Variants in PDE4D observed in about 807,000 individuals in gnomAD.
The protein encoded by PDE4D is 3',5'-cyclic-AMP phosphodiesterase 4D.
Under a neutral mutation model 87.4 loss-of-function variants are expected in PDE4D, and 24 were observed. The observed-to-expected ratio is 0.27, with a 90% CI of 0.20 to 0.39. PDE4D has a LOEUF of 0.39. Among genes scored for constraint, PDE4D ranks in the 10% least tolerant of loss-of-function variants. The probability of loss-of-function intolerance (pLI) is 1.00; values close to 1 mark genes in which losing one functional copy is unlikely to be tolerated. For missense variants in PDE4D, 714 were observed against 1,041.0 expected, an observed-to-expected ratio of 0.69 and a Z score of 4.32; for synonymous variants, 384 against 383.2, an observed-to-expected ratio of 1.00 and a Z score of -0.02.
rs1209334437 is a variant in PDE4D at position 59,093,938 on chromosome 5, G to A, written c.809-54967C>T. ...TATACCATTAAAAAGGAGAGGATGAGGCTGGGCATGTTGGCTCATGCCTGT... is the reference window on the plus strand; with the variant it reads ...TATACCATTAAAAAGGAGAGGATGAAGCTGGGCATGTTGGCTCATGCCTGT... On this transcript the variant is annotated intron_variant, in intron 5 of 14. Transcript: ENST00000340635. 5.3e-5 allele frequency among the ~76,000 whole-genome samples: 8 copies of A among 152,200 alleles called. No individual in the cohort carries two copies. The East Asian group carries it at 1.5e-3, about 29-fold the overall frequency.
At chr5:59,498,847 C>T (rs1037116109) in intron 1 of PDE4D, among the ~76,000 whole-genome samples, 9 of 151,900 alleles carry the variant, frequency 5.9e-5, no homozygotes, top group East Asian at 1.9e-4. Flanking sequence ...CTTCAGCACA[C>T]GAGTGAAAGC....
At chr5:59,716,199 G>A (rs552297599) in intron 1 of PDE4D, among the ~76,000 whole-genome samples, 26 of 152,336 alleles carry the variant, frequency 1.7e-4, no homozygotes, top group African/African-American at 6.0e-4. Context: ...ACCACGCCAC[G>A]TGAGGCACAT....
At chr5:59,567,679 T>G (rs1022118030) in intron 1 of PDE4D, among the ~76,000 whole-genome samples, 4 of 152,136 alleles carry the variant, frequency 2.6e-5, no homozygotes, top group African/African-American at 9.7e-5. Context: ...CAGCTTATAT[T>G]TATGTATTTC....
At chr5:59,855,565 G>T (rs1047885224) in intron 1 of PDE4D, among the ~76,000 whole-genome samples, 1 of 152,110 alleles carries the variant, frequency 6.6e-6, no homozygotes, top group Non-Finnish European at 1.5e-5. Flanking sequence ...AATTTTCATA[G>T]TTCATATTTA....
chr5:59,436,611 C>A (rs911966416), intron 1 of PDE4D, among the ~76,000 whole-genome samples: 1 of 152,260 alleles, frequency 6.6e-6, no homozygotes, highest in East Asian at 1.9e-4. Context: ...CATAAATCAG[C>A]TAGTCAGCAG....
intron 1 of PDE4D, among the ~76,000 whole-genome samples, chr5:59,600,954 C>T (rs1827418189): frequency 1.3e-5 from 2 of 152,136 alleles, no homozygotes; most frequent in South Asian, 4.1e-4. Context: ...TCCAGGGCAA[C>T]AATCACATTT....
intron 2 of PDE4D, among the ~76,000 whole-genome samples, chr5:60,068,582 T>A (rs181700836): frequency 2.0e-5 from 3 of 151,886 alleles, no homozygotes; most frequent in Admixed American, 2.0e-4. Context: ...CATATCATTA[T>A]TTTATTAATT....
rs1344903326 is a variant in PDE4D, at chr5:60,197,784, A to G, written c.-89-12097T>C. ...AATTAAAAGAAACATAAACAAGGAA[A>G]ATAACAGAGCCAAGAAACCAAAGAC... is the stretch of plus-strand genomic sequence containing the variant. On this transcript the variant is annotated intron_variant, in intron 1 of 16. Transcript: ENST00000502484. 4.6e-5 allele frequency among the ~76,000 whole-genome samples: 7 copies of G among 151,810 alleles called. No individual in the cohort carries two copies. In the South Asian group the frequency reaches 1.5e-3, roughly 32 times the overall value.
intron 1 of PDE4D, among the ~76,000 whole-genome samples, chr5:59,474,178 T>G (rs944367291): frequency 3.9e-5 from 6 of 152,166 alleles, no homozygotes; most frequent in African/African-American, 1.4e-4. Flanking sequence ...CAGTGTTATG[T>G]TCAGGTTTTT....
chr5:59,248,042 TAAAAA>T (rs70975306), intron 1 of PDE4D, among the ~76,000 whole-genome samples: 42 of 37,522 alleles, frequency 1.1e-3, no homozygotes, highest in Middle Eastern at 0.014. Flanking sequence ...TATCTATTAG[TAAAAA>T]AAAAAAAAAA....
At chr5:59,259,917 T>C (rs921464358) in intron 1 of PDE4D, among the ~76,000 whole-genome samples, 4 of 151,812 alleles carry the variant, frequency 2.6e-5, no homozygotes, top group African/African-American at 9.7e-5. Flanking sequence ...ATTCAGGATG[T>C]TATACTAAAT....
At chr5:60,351,762 T>A (rs1353543005) in intron 1 of PDE4D, among the ~76,000 whole-genome samples, 1 of 151,186 alleles carries the variant, frequency 6.6e-6, no homozygotes, top group African/African-American at 2.4e-5. Context: ...TGCTGGGTCA[T>A]CTTTCTTCCA....
At chr5:59,326,083 C>T (rs1775587681) in intron 1 of PDE4D, among the ~76,000 whole-genome samples, 1 of 151,670 alleles carries the variant, frequency 6.6e-6, no homozygotes. Context: ...CACATGGACA[C>T]AGGAAGGGGA....
At chr5:59,911,228 T>C (rs1753404718) in intron 3 of PDE4D, among the ~76,000 whole-genome samples, 1 of 152,212 alleles carries the variant, frequency 6.6e-6, no homozygotes, top group African/African-American at 2.4e-5. Flanking sequence ...GTCACAAGAT[T>C]CTAAAAATCC....
At chr5:59,876,206 TCTGTTGAAAAGATTAAGTGAA>T (rs1748585567) in intron 1 of PDE4D, among the ~76,000 whole-genome samples, 1 of 152,164 alleles carries the variant, frequency 6.6e-6, no homozygotes, top group South Asian at 2.1e-4. Context: ...TTTTCCACGG[TCTGTTGAAAAGATTAAGTGAA>T]CTGTGATCTG....
chr5:59,619,610 G>A (rs190936), intron 1 of PDE4D, among the ~76,000 whole-genome samples: 131,578 of 152,174 alleles, frequency 0.86, 56,939 homozygotes, highest in South Asian at 0.93. Flanking sequence ...AAGTGCTGAC[G>A]AAAGAACACT....
In PDE4D at chr5:59,070,672, T is replaced by C. The variant is rs1055227626; in HGVS notation, c.809-31701A>G. On this transcript the variant is annotated intron_variant, in intron 5 of 14. Coordinates refer to ENST00000340635, the MANE Select transcript of PDE4D (RefSeq NM_001104631.2). ...ATGTAACATACCCTGATTACCTTTT[T>C]TTCTTTGTTTTCCTTCTTGAAAATT... Among the ~76,000 whole-genome samples the C allele has an allele frequency of 1.1e-4, 16 of 152,182 alleles. 1 individual carries two copies. The highest frequency in any genetic ancestry group is 3.9e-4 in the African/African-American group (16 of 41,450).
intron 1 of PDE4D, among the ~76,000 whole-genome samples, chr5:60,373,603 T>C (rs1761201325): frequency 6.6e-6 from 1 of 152,208 alleles, no homozygotes; most frequent in East Asian, 1.9e-4. Flanking sequence ...AAAGCTCCTA[T>C]ATTGGTTTCC....
intron 5 of PDE4D, among the ~76,000 whole-genome samples, chr5:59,077,406 T>C (rs1184344068): frequency 1.3e-5 from 2 of 152,150 alleles, no homozygotes; most frequent in African/African-American, 4.8e-5. Context: ...TAAAAGAGAT[T>C]TGCAAGCGGC....
Sources: allele counts gnomAD v4.1 joint callset (sites outside exome capture counted in the v4.1 genomes callset), GRCh38; gene constraint gnomAD v4.1.1; transcripts MANE v1.5; gene names NCBI Gene and HGNC (gene_info 2026-07-23, HGNC 2026-07-21).